NAV3: variants seen among roughly 807,000 people sequenced by gnomAD.
NAV3 encodes the protein neuron navigator 3.
A neutral mutation model predicts 244.7 loss-of-function variants in NAV3; 87 were observed. The observed-to-expected ratio is 0.36, with a 90% confidence interval of 0.30 to 0.42. NAV3 has a LOEUF of 0.42. Ranked by LOEUF, NAV3 falls within the 20% of genes least tolerant of loss-of-function variation. The pLI, the probability that NAV3 is intolerant of heterozygous loss-of-function variation, is 1.00. For synonymous variants in NAV3, 1,126 were observed against 1,042.2 expected (o/e 1.08, Z -1.55); for missense variants, 2,663 against 2,893.3 (o/e 0.92, Z 1.83).
chr12:78,137,872 A>T (rs1226914804), intron 19 of NAV3, among the ~76,000 whole-genome samples: 1 of 152,172 alleles, frequency 6.6e-6, no homozygotes, highest in Non-Finnish European at 1.5e-5. Flanking sequence ...TGGCAATAAA[A>T]TTGTCACCTA....
intron 2 of NAV3, among the ~76,000 whole-genome samples, chr12:77,718,381 C>T (rs1187451117): frequency 6.6e-6 from 1 of 152,070 alleles, no homozygotes; most frequent in Non-Finnish European, 1.5e-5. Context: ...ATCATTTGAC[C>T]AATTTATGCA....
intron 8 of NAV3, among the ~76,000 whole-genome samples, chr12:78,015,069 C>A (rs534704389): frequency 1.3e-5 from 2 of 152,164 alleles, no homozygotes; most frequent in Non-Finnish European, 2.9e-5. Flanking sequence ...CCCAGCAGAG[C>A]CAGCAGAGAG....
At chr12:77,808,757 T>A (rs1872122576) in intron 2 of NAV3, among the ~76,000 whole-genome samples, 1 of 152,228 alleles carries the variant, frequency 6.6e-6, no homozygotes, top group African/African-American at 2.4e-5. Flanking sequence ...TGTTTAAGTC[T>A]GCTGAAGTTG....
intron 1 of NAV3, among the ~76,000 whole-genome samples, chr12:77,860,554 C>G (rs1185300035): frequency 3.3e-5 from 5 of 151,614 alleles, no homozygotes; most frequent in Non-Finnish European, 5.9e-5. Context: ...TTAGAAATAG[C>G]CATCTCTAAA....
intron 33 of NAV3, among the ~76,000 whole-genome samples, chr12:78,189,556 ACACC>A (rs1281283511): frequency 2.2e-5 from 3 of 138,904 alleles, no homozygotes; most frequent in Non-Finnish European, 3.4e-5. Context: ...GAACACACAC[ACACC>A]CATATATATA....
chr12:77,806,678 AG>A (rs1871997449), intron 2 of NAV3, among the ~76,000 whole-genome samples: 1 of 152,206 alleles, frequency 6.6e-6, no homozygotes, highest in African/African-American at 2.4e-5. Flanking sequence ...GGTGTCTATT[AG>A]GTCTTCTTGG....
chr12:78,103,542 C>T (rs1246251315), intron 12 of NAV3, among the ~76,000 whole-genome samples: 1 of 152,182 alleles, frequency 6.6e-6, no homozygotes, highest in Non-Finnish European at 1.5e-5. Flanking sequence ...CAATGCCCCG[C>T]TCTACTGGTA....
chr12:77,636,950 T>C (rs1049876280), intron 2 of NAV3, among the ~76,000 whole-genome samples: 1 of 151,564 alleles, frequency 6.6e-6, no homozygotes, highest in Non-Finnish European at 1.5e-5. Flanking sequence ...TGAGAACACA[T>C]GGACACAGGG....
chr12:77,963,989 T>C, intron 3 of NAV3, among the ~76,000 whole-genome samples: 1 of 121,994 alleles, frequency 8.2e-6, no homozygotes, highest in South Asian at 3.4e-4. Flanking sequence ...TCCTCCCTCC[T>C]CCTCCCTCCT....
intron 2 of NAV3, among the ~76,000 whole-genome samples, chr12:77,599,900 A>C (rs1056356147): frequency 2.0e-5 from 3 of 151,964 alleles, no homozygotes; most frequent in Admixed American, 2.0e-4. Context: ...AAGGCCTGTT[A>C]ATGATTACCC....
intron 2 of NAV3, chr12:77,572,309 T>C (rs1234763352): frequency 1.3e-5 from 2 of 154,314 alleles, no homozygotes; most frequent in Non-Finnish European, 2.9e-5. Context: ...TGTTTACACT[T>C]AAAGAGAATT....
chr12:77,979,682 C>G (rs929431704), intron 5 of NAV3, among the ~76,000 whole-genome samples: 11 of 137,202 alleles, frequency 8.0e-5, no homozygotes, highest in African/African-American at 2.8e-4. Flanking sequence ...ATCTCTCAGT[C>G]TCATAAGATG....
At chr12:78,193,796 A>G (rs1026811925) in intron 34 of NAV3, among the ~76,000 whole-genome samples, 2 of 152,134 alleles carry the variant, frequency 1.3e-5, no homozygotes, top group East Asian at 1.9e-4. Context: ...TACCCTCTCA[A>G]GATGAAAGAA....
At chr12:77,949,344 C>A (rs1452414632) in intron 3 of NAV3, among the ~76,000 whole-genome samples, 1 of 152,026 alleles carries the variant, frequency 6.6e-6, no homozygotes, top group Non-Finnish European at 1.5e-5. Context: ...TTGAGGCGAT[C>A]TGTGTCCTTT....
In NAV3 at chr12:78,165,632, C is replaced by T. The variant is rs183834799; in HGVS notation, c.4870-3123C>T. Among the ~76,000 whole-genome samples, 129 of 151,836 alleles carry T rather than the reference C, an allele frequency of 8.5e-4. No homozygotes were observed. The East Asian group carries it at 0.016, about 19-fold the overall frequency. ...AATTATTAGTTGCATCTGAAGGCCA[C>T]ATTACAATTTCTATGCATTATAGAA... On this transcript the variant is annotated intron_variant, in intron 23 of 39. Transcript: ENST00000397909.
chr12:77,732,160 T>C (rs1056441775), intron 2 of NAV3, among the ~76,000 whole-genome samples: 3 of 152,042 alleles, frequency 2.0e-5, no homozygotes, highest in Non-Finnish European at 4.4e-5. Flanking sequence ...CTTTTCCTCC[T>C]CAAATTTAAT....
At chr12:77,911,952 C>G (rs1886638879) in intron 1 of NAV3, among the ~76,000 whole-genome samples, 1 of 152,036 alleles carries the variant, frequency 6.6e-6, no homozygotes, top group South Asian at 2.1e-4. Flanking sequence ...CAAGCCTTTA[C>G]CTCACATTTG....
At chr12:77,708,127 C>G (rs771785152) in intron 2 of NAV3, among the ~76,000 whole-genome samples, 1 of 152,158 alleles carries the variant, frequency 6.6e-6, no homozygotes, top group Non-Finnish European at 1.5e-5. Flanking sequence ...ACATGAAGTC[C>G]TTGCCCATGA....
intron 18 of NAV3, among the ~76,000 whole-genome samples, chr12:78,131,610 C>T (rs1421422692): frequency 1.3e-5 from 2 of 152,120 alleles, no homozygotes; most frequent in African/African-American, 4.8e-5. Flanking sequence ...TTGACTCCTT[C>T]TTCTATTTTT....
Sources: gnomAD v4.1 joint callset for allele counts (sites outside exome capture counted in the v4.1 genomes callset) on GRCh38, gnomAD v4.1.1 for gene constraint, MANE v1.5 for transcripts, NCBI Gene and HGNC (gene_info 2026-07-23, HGNC 2026-07-21) for gene names.